Variants in WIF1 observed in about 807,000 individuals in gnomAD.
The protein encoded by WIF1 is Wnt inhibitory factor 1.
A neutral mutation model predicts 53.5 loss-of-function variants in WIF1; 35 were observed. The observed-to-expected ratio is 0.65, with a 90% CI of 0.50 to 0.87. The LOEUF is 0.87. Among genes scored for constraint, WIF1 ranks in the 40% least tolerant of loss-of-function variants. The pLI is 0.00. For missense variants in WIF1, 467 were observed against 476.8 expected (o/e 0.98, Z 0.19); for synonymous variants, 171 against 170.4 (o/e 1.00, Z -0.03).
chr12:65,076,946 G>A (rs186445426), intron 3 of WIF1, among the ~76,000 whole-genome samples: 1 of 151,544 alleles, frequency 6.6e-6, no homozygotes. Context: ...TCACAAATAT[G>A]TAAAAATTCA....
chr12:65,081,121 T>A (rs1188097270), intron 2 of WIF1, among the ~76,000 whole-genome samples: 1 of 128,582 alleles, frequency 7.8e-6, no homozygotes, highest in Non-Finnish European at 1.7e-5. Flanking sequence ...TGCATTTATG[T>A]ATTTTTTTTA....
intron 2 of WIF1, among the ~76,000 whole-genome samples, chr12:65,108,692 T>C (rs1883386219): frequency 6.6e-6 from 1 of 152,194 alleles, no homozygotes; most frequent in South Asian, 2.1e-4. Flanking sequence ...CTCATATAAT[T>C]TCCTAATTGG....
intron 2 of WIF1, among the ~76,000 whole-genome samples, chr12:65,102,942 TA>T (rs1267343302): frequency 5.9e-5 from 9 of 152,318 alleles, no homozygotes; most frequent in African/African-American, 2.2e-4. Context: ...AAAAAACATC[TA>T]AAATATCAAG....
chr12:65,070,058 C>T (rs1045390809), intron 3 of WIF1, among the ~76,000 whole-genome samples: 8 of 152,102 alleles, frequency 5.3e-5, no homozygotes, highest in East Asian at 1.9e-4. Flanking sequence ...TTTAGAGTGT[C>T]GATAAACTTT....
At chr12:65,069,506 T>C (rs1882739747) in intron 3 of WIF1, among the ~76,000 whole-genome samples, 4 of 152,218 alleles carry the variant, frequency 2.6e-5, no homozygotes, top group Non-Finnish European at 5.9e-5. Context: ...TGGACCGAGT[T>C]AATGAAGTTA....
intron 2 of WIF1, among the ~76,000 whole-genome samples, chr12:65,085,520 C>T (rs1000646669): frequency 1.3e-5 from 2 of 152,044 alleles, no homozygotes; most frequent in Admixed American, 6.6e-5. Flanking sequence ...ACTATTTTTC[C>T]CTGCCTGCTT....
intron 3 of WIF1, among the ~76,000 whole-genome samples, chr12:65,077,428 C>A (rs1232036120): frequency 2.0e-5 from 3 of 152,142 alleles, no homozygotes; most frequent in African/African-American, 7.2e-5. Context: ...TCTCATTAAT[C>A]CATACATTGG....
chr12:65,075,727 T>TA (rs1453849840), intron 3 of WIF1, among the ~76,000 whole-genome samples: 1 of 152,108 alleles, frequency 6.6e-6, no homozygotes, highest in Non-Finnish European at 1.5e-5. Flanking sequence ...TATCAAAACA[T>TA]AAATGCAGTG....
intron 2 of WIF1, chr12:65,084,000 A>AGCCACACTTAATTTCTTTTAAGCT (rs2136625677): frequency 4.7e-6 from 1 of 213,892 alleles, no homozygotes; most frequent in Non-Finnish European, 9.3e-6. Context: ...CACTGTGCCT[A>AGCCACACTTAATTTCTTTTAAGCT]GCCACACTTA....
At chr12:65,072,600 A>C (rs1005844437) in intron 3 of WIF1, among the ~76,000 whole-genome samples, 1 of 152,150 alleles carries the variant, frequency 6.6e-6, no homozygotes, top group Non-Finnish European at 1.5e-5. Context: ...ACACACTTGC[A>C]CTTCCACACA....
intron 6 of WIF1, among the ~76,000 whole-genome samples, chr12:65,065,422 A>G (rs1882673519): frequency 1.3e-5 from 2 of 152,190 alleles, no homozygotes; most frequent in Non-Finnish European, 2.9e-5. Flanking sequence ...TTGCTTATCT[A>G]GGAATGAGAT....
intron 2 of WIF1, among the ~76,000 whole-genome samples, chr12:65,098,444 C>T (rs532214172): frequency 1.3e-5 from 2 of 152,270 alleles, no homozygotes; most frequent in Non-Finnish European, 2.9e-5. Flanking sequence ...GGTTAAGTTA[C>T]ATTTCCAAAG....
At chr12:65,085,726 GTGGGC>G (rs1883027986) in intron 2 of WIF1, among the ~76,000 whole-genome samples, 1 of 152,180 alleles carries the variant, frequency 6.6e-6, no homozygotes, top group Non-Finnish European at 1.5e-5. Context: ...ATCACAGCCA[GTGGGC>G]TGGACTGAGG....
chr12:65,121,105 C>T lies in WIF1; in HGVS notation c.87G>A (p.Gly29=), dbSNP rs894372891. The change falls in exon 1 of 10, where the codon GGG becomes GGA. Residue 29 remains glycine (G), a synonymous_variant. Transcript: ENST00000286574. The part of the protein sequence containing the change: ...LCLLALRAEA[G]PPQEESLYLW... Reference sequence around the variant, plus strand: ...GGTACAGGCTCTCCTCCTGCGGCGGCCCGGCCTCCGCCCGCAGTGCCAGCA... The same window carrying T: ...GGTACAGGCTCTCCTCCTGCGGCGGTCCGGCCTCCGCCCGCAGTGCCAGCA... The T allele has an allele frequency of 2.6e-6, 4 of 1,545,922 alleles. No homozygotes were observed. In the African/African-American group the frequency reaches 5.5e-5, roughly 21 times the overall value.
intron 2 of WIF1, among the ~76,000 whole-genome samples, chr12:65,108,376 A>C (rs1276165423): frequency 6.6e-6 from 1 of 152,158 alleles, no homozygotes; most frequent in Non-Finnish European, 1.5e-5. Context: ...TCTCCACTTC[A>C]TGTCTTAGCT....
intron 2 of WIF1, among the ~76,000 whole-genome samples, chr12:65,092,808 G>C (rs2136630830): frequency 6.6e-6 from 1 of 152,116 alleles, no homozygotes; most frequent in African/African-American, 2.4e-5. Context: ...GCTGTCTGGA[G>C]ATCCCAGAGG....
intron 2 of WIF1, among the ~76,000 whole-genome samples, chr12:65,106,257 G>A (rs1883349911): frequency 6.6e-6 from 1 of 152,062 alleles, no homozygotes; most frequent in South Asian, 2.1e-4. Context: ...AAGCCCACAG[G>A]CTGGTAGAGC....
chr12:65,121,230 T>A lies in WIF1; in HGVS notation c.-39A>T, dbSNP rs762917365. On this transcript the variant is annotated 5_prime_UTR_variant, in exon 1 of 10. Coordinates refer to ENST00000286574, the MANE Select transcript of WIF1 (RefSeq NM_007191.5). ...TCCTCGCTGCCGGGAAAACTCCTCG[T>A]GCCGCACCTACGCAACCTGGCGCCG... The A allele has an allele frequency of 2.1e-6, 3 of 1,409,380 alleles. No homozygotes were observed. The highest frequency in any genetic ancestry group is 2.8e-6 in the Non-Finnish European group (3 of 1,071,334). 87.3% of individuals were successfully genotyped at this position (1,409,380 alleles called of 1,614,324 possible).
At chr12:65,075,079 G>A (rs776163179) in intron 3 of WIF1, among the ~76,000 whole-genome samples, 2 of 152,120 alleles carry the variant, frequency 1.3e-5, no homozygotes, top group Non-Finnish European at 2.9e-5. Flanking sequence ...ACCCAAACAC[G>A]TCTAAGTCAG....
Sources: allele counts gnomAD v4.1 joint callset (sites outside exome capture counted in the v4.1 genomes callset), GRCh38; gene constraint gnomAD v4.1.1; transcripts MANE v1.5; gene names NCBI Gene and HGNC (gene_info 2026-07-23, HGNC 2026-07-21).